SOX5: variants seen among roughly 807,000 people sequenced by gnomAD.
SOX5 encodes the protein transcription factor SOX-5.
A neutral mutation model predicts 92.0 loss-of-function variants in SOX5; 9 were observed. The ratio of observed to expected loss-of-function variants is 0.10; its 90% confidence interval spans 0.06 to 0.17. The LOEUF is 0.17. Among genes scored for constraint, SOX5 ranks in the 10% least tolerant of loss-of-function variants. The pLI, the probability that SOX5 is intolerant of heterozygous loss-of-function variation, is 1.00. For synonymous variants in SOX5, 344 were observed against 336.3 expected, an observed-to-expected ratio of 1.02 and a Z score of -0.25; for missense variants, 642 against 944.5, an observed-to-expected ratio of 0.68 and a Z score of 4.20.
At chr12:23,577,192 T>TATATA (rs1555172432) in intron 9 of SOX5, among the ~76,000 whole-genome samples, 9,515 of 55,342 alleles carry the variant, frequency 0.17, 811 homozygotes, top group Admixed American at 0.3. Context: ...TATATATATA[T>TATATA]TTTTTTTTTT....
intron 8 of SOX5, among the ~76,000 whole-genome samples, chr12:23,609,125 G>A (rs1011393523): frequency 2.0e-5 from 3 of 152,152 alleles, no homozygotes; most frequent in African/African-American, 7.2e-5. Context: ...AGAAAGGCAT[G>A]AGAGCAGGAA....
chr12:24,408,209 G>A (rs1963382952), intron 1 of SOX5, among the ~76,000 whole-genome samples: 1 of 152,024 alleles, frequency 6.6e-6, no homozygotes, highest in African/African-American at 2.4e-5. Context: ...GCTTTCCCAT[G>A]GAAAGCGCCA....
At chr12:24,340,196 C>T (rs1271031449) in intron 2 of SOX5, among the ~76,000 whole-genome samples, 2 of 152,222 alleles carry the variant, frequency 1.3e-5, no homozygotes, top group Non-Finnish European at 1.5e-5. Context: ...AACATACAAA[C>T]GTTTTTTTCT....
At chr12:23,598,998 AC>A (rs1234864851) in intron 9 of SOX5, among the ~76,000 whole-genome samples, 8 of 152,172 alleles carry the variant, frequency 5.3e-5, no homozygotes, top group African/African-American at 1.9e-4. Flanking sequence ...ACAAATTGTG[AC>A]TCATAGTATT....
intron 4 of SOX5, among the ~76,000 whole-genome samples, chr12:24,121,966 T>A (rs1431896330): frequency 7.0e-6 from 1 of 143,744 alleles, no homozygotes; most frequent in Admixed American, 7.0e-5. Context: ...CCATTACACA[T>A]CAATGCAAGG....
chr12:24,520,110 A>G (rs980924240), intron 1 of SOX5, among the ~76,000 whole-genome samples: 1 of 152,090 alleles, frequency 6.6e-6, no homozygotes, highest in Admixed American at 6.5e-5. Context: ...AAGCAGAGAT[A>G]AAAAGACTTT....
At chr12:23,603,324 G>A (rs186004934) in intron 9 of SOX5, among the ~76,000 whole-genome samples, 2 of 151,316 alleles carry the variant, frequency 1.3e-5, no homozygotes, top group East Asian at 3.9e-4. Flanking sequence ...TTTTCTCTGT[G>A]TATTTCAATG....
At chr12:23,920,096 C>G (rs1397329706) in intron 1 of SOX5, 1 of 152,096 alleles carries the variant, frequency 6.6e-6, no homozygotes, top group Admixed American at 6.6e-5. Flanking sequence ...GCCTAAAAGT[C>G]TACTCACTTA....
intron 3 of SOX5, among the ~76,000 whole-genome samples, chr12:24,269,254 A>G (rs1943390170): frequency 6.6e-6 from 1 of 152,228 alleles, no homozygotes; most frequent in Admixed American, 6.5e-5. Flanking sequence ...GGTGACCAAA[A>G]GGCGTGTACA....
At chr12:24,417,213 G>A (rs953233242) in intron 1 of SOX5, among the ~76,000 whole-genome samples, 1 of 152,212 alleles carries the variant, frequency 6.6e-6, no homozygotes, top group Non-Finnish European at 1.5e-5. Flanking sequence ...CTGATGCCTA[G>A]AGACATCCTG....
intron 1 of SOX5, among the ~76,000 whole-genome samples, chr12:24,524,980 A>G (rs1283195117): frequency 6.6e-6 from 1 of 152,238 alleles, no homozygotes; most frequent in African/African-American, 2.4e-5. Context: ...ACACAAAAAA[A>G]GTACAGAGGC....
rs1183743820 is a variant in SOX5, at chr12:23,721,717, G to A, written c.810+12967C>T. 2.0e-5 allele frequency among the ~76,000 whole-genome samples: 3 copies of A among 152,166 alleles called. No homozygotes were observed. The East Asian group carries it at 5.8e-4, about 29-fold the overall frequency. The stretch of plus-strand genomic sequence containing the variant: ...AGTAGTCAATTCTATGGCATGAGAG[G>A]AGTGAAATAATTTGCAGGATCAAGA... On this transcript the variant is annotated intron_variant, in intron 6 of 14. Transcript: ENST00000451604.
Position 23,533,319 on chromosome 12 carries a change from CTCT to C in SOX5, c.*897_*899del, listed in dbSNP as rs1437622557. On this transcript the variant is annotated 3_prime_UTR_variant, in exon 15 of 15. Transcript: ENST00000451604. The stretch of plus-strand genomic sequence containing the variant: ...ATTTCTTATGTCTCTCTCTCTCTCT[CTCT>C]TTTCACCTGAGAACAGCACCTACAG... The C allele has an allele frequency of 5.7e-6, 2 of 352,318 alleles. No individual in the cohort carries two copies. Among genetic ancestry groups the C allele is most frequent in the Non-Finnish European group, 1.2e-5 (2 of 167,760 alleles). 21.8% of individuals were successfully genotyped at this position (352,318 alleles called of 1,614,324 possible). A position where few individuals can be genotyped will look rare whatever the true frequency, so the allele number is the denominator to read the frequency against.
chr12:23,710,195 T>C (rs1363052771), intron 6 of SOX5, among the ~76,000 whole-genome samples: 9 of 152,136 alleles, frequency 5.9e-5, no homozygotes, highest in Non-Finnish European at 1.2e-4. Context: ...GCTTGTTATA[T>C]GTGGTACATA....
intron 4 of SOX5, among the ~76,000 whole-genome samples, chr12:24,015,337 T>C (rs1205094053): frequency 6.6e-6 from 1 of 152,030 alleles, no homozygotes; most frequent in East Asian, 1.9e-4. Context: ...TAGCTGCAAT[T>C]TACAATGAAG....
rs945168735 is a variant in SOX5 at position 24,104,983 on chromosome 12, C to G, written c.-2+108360G>C. Among the ~76,000 whole-genome samples the G allele has an allele frequency of 1.7e-4, 26 of 152,150 alleles. 1 individual carries two copies. Among genetic ancestry groups the G allele is most frequent in the African/African-American group, 6.3e-4 (26 of 41,432 alleles). On this transcript the variant is annotated intron_variant, in intron 4 of 4. Coordinates refer to the SOX5 transcript ENST00000446891. ...TCAGATCATTACTTTGGAACAGTCTCTAAGTCTCTATATAAAAAGAATACT... is the reference window on the plus strand; with the variant it reads ...TCAGATCATTACTTTGGAACAGTCTGTAAGTCTCTATATAAAAAGAATACT...
At chr12:23,670,504 A>G (rs1200889563) in intron 6 of SOX5, among the ~76,000 whole-genome samples, 1 of 152,160 alleles carries the variant, frequency 6.6e-6, no homozygotes, top group Non-Finnish European at 1.5e-5. Flanking sequence ...AAAGAGAGAA[A>G]CTAACCAAAA....
In SOX5 at chr12:23,792,622, C is replaced by CAAAAAAAAAAA. The variant is rs749845598; in HGVS notation, c.482-36909_482-36899dup. Among the ~76,000 whole-genome samples the CAAAAAAAAAAA allele has an allele frequency of 1.3e-3, 51 of 38,962 alleles. 6 individuals carry two copies. The highest frequency in any genetic ancestry group is 2.0e-3 in the Admixed American group (4 of 1,992). 25.6% of individuals were successfully genotyped at this position (38,962 alleles called of 152,430 possible). ...TGGGCAATAGAGTGAGGCTCTGTCT[C>CAAAAAAAAAAA]AAAAAAAAAAAAAAAAAAAAAAAAA... On this transcript the variant is annotated intron_variant, in intron 3 of 14. Coordinates refer to ENST00000451604, the MANE Select transcript of SOX5 (RefSeq NM_006940.6).
chr12:24,269,463 TTTC>T (rs1943415583), intron 3 of SOX5, among the ~76,000 whole-genome samples: 1 of 152,120 alleles, frequency 6.6e-6, no homozygotes, highest in Admixed American at 6.5e-5. Flanking sequence ...CTATGTGAAG[TTTC>T]TTATTTTGTT....
Sources: allele counts gnomAD v4.1 joint callset (sites outside exome capture counted in the v4.1 genomes callset), GRCh38; gene constraint gnomAD v4.1.1; transcripts MANE v1.5; gene names NCBI Gene and HGNC (gene_info 2026-07-23, HGNC 2026-07-21).